Variants in ADGRB3 observed in about 807,000 individuals in gnomAD.
ADGRB3 encodes the protein adhesion G protein-coupled receptor B3, also known as brain-specific angiogenesis inhibitor 3.
A neutral mutation model predicts 193.4 loss-of-function variants in ADGRB3; 37 were observed. The ratio of observed to expected loss-of-function variants is 0.19; its 90% confidence interval spans 0.15 to 0.25. ADGRB3 has a LOEUF of 0.25. Ranked by LOEUF, ADGRB3 falls within the 10% of genes least tolerant of loss-of-function variation. The pLI, the probability that ADGRB3 is intolerant of heterozygous loss-of-function variation, is 1.00. For synonymous variants in ADGRB3, 690 were observed against 644.2 expected (o/e 1.07, Z -1.08); for missense variants, 1,637 against 1,852.9 (o/e 0.88, Z 2.14).
Position 69,062,974 on chromosome 6 carries a change from A to G in ADGRB3, c.2374A>G (p.Ile792Val), listed in dbSNP as rs200880604. The change falls in exon 16 of 32, where the codon ATA becomes GTA. Residue 792 changes from isoleucine to valine, a missense_variant. Coordinates refer to ENST00000370598, the MANE Select transcript of ADGRB3 (RefSeq NM_001704.3). ...TAATTCCAAAATCATCGTGGTCACA[A>G]TAAGGCCTGAACCCAAAACAACCGA... ...VINSKIIVVTIRPEPKTTDSF... is the reference protein window; with the variant it reads ...VINSKIIVVTVRPEPKTTDSF... 165 of 1,612,386 alleles carry G rather than the reference A, an allele frequency of 1.0e-4. No homozygotes were observed. The East Asian group carries it at 2.1e-3, about 20-fold the overall frequency.
At chr6:68,902,286 G>T (rs1163090532) in intron 3 of ADGRB3, among the ~76,000 whole-genome samples, 1 of 152,026 alleles carries the variant, frequency 6.6e-6, no homozygotes, top group Non-Finnish European at 1.5e-5. Flanking sequence ...TAACAATAGA[G>T]ACGTTCTCTG....
At chr6:68,709,793 A>G (rs1392394152) in intron 3 of ADGRB3, among the ~76,000 whole-genome samples, 1 of 152,202 alleles carries the variant, frequency 6.6e-6, no homozygotes, top group Non-Finnish European at 1.5e-5. Flanking sequence ...TTCTGTTTAT[A>G]GAAATAACCT....
chr6:68,721,335 A>G (rs915928716), intron 3 of ADGRB3, among the ~76,000 whole-genome samples: 2 of 151,842 alleles, frequency 1.3e-5, no homozygotes, highest in African/African-American at 2.4e-5. Context: ...AGGGACATGG[A>G]TGAAGCTGGA....
chr6:68,790,545 G>A (rs528609035), intron 3 of ADGRB3, among the ~76,000 whole-genome samples: 1 of 152,166 alleles, frequency 6.6e-6, no homozygotes, highest in East Asian at 1.9e-4. Flanking sequence ...CCCGAGTAGG[G>A]GCAGACTGAC....
chr6:69,031,048 TC>T (rs55984261), intron 13 of ADGRB3, among the ~76,000 whole-genome samples: 158 of 12,810 alleles, frequency 0.012, 15 homozygotes, highest in Non-Finnish European at 0.02. Flanking sequence ...TCTCTTCTCT[TC>T]TCTTCTCTTC....
At position 68,672,623 on chromosome 6, in the gene ADGRB3, C is replaced by G. The variant is rs959791932; in HGVS notation, c.757+33191C>G. On this transcript the variant is annotated intron_variant, in intron 3 of 31. Coordinates refer to ENST00000370598, the MANE Select transcript of ADGRB3 (RefSeq NM_001704.3). ...CCTGGTATACAGGAGTGCGCAATAT[C>G]TGGGTTGAGCTTACCTTGAAATGAG... 1.3e-4 allele frequency among the ~76,000 whole-genome samples: 20 copies of G among 151,954 alleles called. 1 individual carries two copies. Among genetic ancestry groups the G allele is most frequent in the Admixed American group, 6.6e-4 (10 of 15,230 alleles).
At chr6:69,316,888 G>T (rs1768324120) in intron 20 of ADGRB3, among the ~76,000 whole-genome samples, 1 of 151,454 alleles carries the variant, frequency 6.6e-6, no homozygotes, top group Non-Finnish European at 1.5e-5. Flanking sequence ...TTGGTTGGTT[G>T]AACATAGAAA....
intron 3 of ADGRB3, among the ~76,000 whole-genome samples, chr6:68,830,419 T>A (rs1767929993): frequency 1.3e-5 from 2 of 152,186 alleles, no homozygotes; most frequent in Non-Finnish European, 2.9e-5. Context: ...TATATAGAAC[T>A]TGGAATTTCT....
intron 30 of ADGRB3, among the ~76,000 whole-genome samples, chr6:69,378,693 C>T (rs1769883954): frequency 6.6e-6 from 1 of 152,006 alleles, no homozygotes; most frequent in Non-Finnish European, 1.5e-5. Flanking sequence ...TCAGACCACA[C>T]AACTTAAAAG....
At chr6:68,873,474 A>T (rs1407119156) in intron 3 of ADGRB3, among the ~76,000 whole-genome samples, 3 of 152,118 alleles carry the variant, frequency 2.0e-5, no homozygotes, top group Non-Finnish European at 4.4e-5. Context: ...TTAATATAAC[A>T]GATGTGATTT....
At chr6:68,694,544 A>C (rs1220324812) in intron 3 of ADGRB3, among the ~76,000 whole-genome samples, 1 of 151,916 alleles carries the variant, frequency 6.6e-6, no homozygotes, top group East Asian at 1.9e-4. Context: ...GACTACACAC[A>C]CAGATGTCTG....
At chr6:69,210,334 GA>G (rs1401550462) in intron 17 of ADGRB3, among the ~76,000 whole-genome samples, 1 of 151,278 alleles carries the variant, frequency 6.6e-6, no homozygotes, top group Non-Finnish European at 1.5e-5. Context: ...TGTAGGCCTG[GA>G]GGCTAGGCCA....
At chr6:69,168,509 T>A (rs1303114308) in intron 17 of ADGRB3, among the ~76,000 whole-genome samples, 1 of 152,102 alleles carries the variant, frequency 6.6e-6, no homozygotes, top group Non-Finnish European at 1.5e-5. Flanking sequence ...AATAAACTAA[T>A]GTTTTCGAAA....
intron 3 of ADGRB3, among the ~76,000 whole-genome samples, chr6:68,715,664 A>G (rs190094767): frequency 2.2e-4 from 33 of 151,956 alleles, no homozygotes; most frequent in African/African-American, 7.5e-4. Flanking sequence ...ATGGGCAATT[A>G]ATATACTTTG....
chr6:68,754,595 G>A (rs1179616317), intron 3 of ADGRB3, among the ~76,000 whole-genome samples: 4 of 152,098 alleles, frequency 2.6e-5, no homozygotes, highest in Non-Finnish European at 4.4e-5. Context: ...ATTACCAGGT[G>A]TTCTCCAGCA....
chr6:69,155,323 C>A (rs566077677), intron 17 of ADGRB3, among the ~76,000 whole-genome samples: 2 of 152,334 alleles, frequency 1.3e-5, no homozygotes, highest in African/African-American at 4.8e-5. Context: ...TCTACATCTA[C>A]ATTTTGGTAT....
At chr6:69,209,663 T>C (rs1248700897) in intron 17 of ADGRB3, among the ~76,000 whole-genome samples, 1 of 152,244 alleles carries the variant, frequency 6.6e-6, no homozygotes, top group Non-Finnish European at 1.5e-5. Flanking sequence ...GGAGTATTGC[T>C]GGCCTTGCCA....
chr6:68,799,236 G>T, intron 3 of ADGRB3, among the ~76,000 whole-genome samples: 1 of 152,088 alleles, frequency 6.6e-6, no homozygotes, highest in East Asian at 1.9e-4. Context: ...CACTGTAACA[G>T]TGCCATAAGG....
intron 26 of ADGRB3, among the ~76,000 whole-genome samples, chr6:69,352,230 C>G (rs1000967362): frequency 1.3e-5 from 2 of 152,168 alleles, no homozygotes; most frequent in Non-Finnish European, 2.9e-5. Context: ...CATACAACAA[C>G]TTCTTAATCT....
Sources: gnomAD v4.1 joint callset for allele counts (sites outside exome capture counted in the v4.1 genomes callset) on GRCh38, gnomAD v4.1.1 for gene constraint, MANE v1.5 for transcripts, NCBI Gene and HGNC (gene_info 2026-07-23, HGNC 2026-07-21) for gene names.